Variants in KCNN3 observed in about 807,000 individuals in gnomAD.
KCNN3 encodes potassium calcium-activated channel subfamily N member 3.
In KCNN3, 16 loss-of-function variants were observed where a neutral mutation model predicts 62.9. The ratio of observed to expected loss-of-function variants is 0.25; its 90% CI spans 0.17 to 0.39. KCNN3 has a LOEUF of 0.39. KCNN3 is among the 10% of genes least tolerant of loss of function. The probability of loss-of-function intolerance (pLI) is 1.00; values close to 1 mark genes in which losing one functional copy is unlikely to be tolerated. For missense variants in KCNN3, 599 were observed against 949.4 expected (o/e 0.63, Z 4.85); for synonymous variants, 370 against 389.2 (o/e 0.95, Z 0.58).
intron 1 of KCNN3, among the ~76,000 whole-genome samples, chr1:154,847,947 C>T (rs138181065): frequency 3.9e-5 from 6 of 152,268 alleles, no homozygotes; most frequent in South Asian, 4.1e-4. Flanking sequence ...AGCTCCGACA[C>T]GAACCCGAGA....
At chr1:154,861,975 G>A (rs146038847) in intron 1 of KCNN3, among the ~76,000 whole-genome samples, 30 of 152,244 alleles carry the variant, frequency 2.0e-4, no homozygotes, top group African/African-American at 6.5e-4. Flanking sequence ...GCCTTTTCTC[G>A]GCACTCACTG....
At chr1:154,823,564 T>TC (rs1323934559) in intron 1 of KCNN3, among the ~76,000 whole-genome samples, 2 of 152,198 alleles carry the variant, frequency 1.3e-5, no homozygotes. Flanking sequence ...GGCCTCTGAC[T>TC]CGCAGTACAG....
In KCNN3 at chr1:154,738,820, A is replaced by G. The variant is rs115500533; in HGVS notation, c.1449-5676T>C. Among the ~76,000 whole-genome samples the G allele has an allele frequency of 1.2e-3, 179 of 152,376 alleles. 1 individual carries two copies. Among genetic ancestry groups the G allele is most frequent in the African/African-American group, 4.2e-3 (174 of 41,588 alleles). On this transcript the variant is annotated intron_variant, in intron 3 of 7. Transcript: ENST00000271915. Reference sequence around the variant, plus strand: ...ATCATTAACAACTCCAGGAAAAATGAAAAGTTCTGCAGGAAGGGAAAAGTT... The same window carrying G: ...ATCATTAACAACTCCAGGAAAAATGGAAAGTTCTGCAGGAAGGGAAAAGTT...
At chr1:154,756,690 C>G (rs1647727325) in intron 3 of KCNN3, among the ~76,000 whole-genome samples, 1 of 152,166 alleles carries the variant, frequency 6.6e-6, no homozygotes, top group African/African-American at 2.4e-5. Context: ...TGAGTAGGAT[C>G]CCAATCCAAT....
At chr1:154,753,294 T>C (rs1240341210) in intron 3 of KCNN3, among the ~76,000 whole-genome samples, 2 of 152,028 alleles carry the variant, frequency 1.3e-5, no homozygotes, top group Non-Finnish European at 2.9e-5. Context: ...ACAGACATCA[T>C]GGCATTCAAG....
Position 154,704,731 on chromosome 1 carries a change from G to C in KCNN3, c.*3245C>G, listed in dbSNP as rs1331930621. 1 of 151,990 alleles carries C rather than the reference G, an allele frequency of 6.6e-6. No homozygotes were observed. The highest frequency in any genetic ancestry group is 2.4e-5 in the African/African-American group (1 of 41,362). The allele number at this position is 151,990 out of a possible 1,614,324, so 9.4% of individuals were successfully genotyped here. A position where few individuals can be genotyped will look rare whatever the true frequency, so the allele number is the denominator to read the frequency against. On this transcript the variant is annotated 3_prime_UTR_variant, in exon 8 of 8. Transcript: ENST00000271915. ...GAGTGGGCAGATCTTGATCAGTACA[G>C]TATTGGAGTGAGGTTACATAATTAA...
At chr1:154,824,050 C>CA (rs1362781096) in intron 1 of KCNN3, among the ~76,000 whole-genome samples, 1 of 152,312 alleles carries the variant, frequency 6.6e-6, no homozygotes, top group East Asian at 1.9e-4. Context: ...CACTCTTTCA[C>CA]AAAAATTTCA....
At chr1:154,734,711 T>C (rs1700673112) in intron 3 of KCNN3, among the ~76,000 whole-genome samples, 1 of 152,218 alleles carries the variant, frequency 6.6e-6, no homozygotes, top group Non-Finnish European at 1.5e-5. Flanking sequence ...AAGAGCATGG[T>C]ATGACGGATA....
At position 154,702,832 on chromosome 1, in the gene KCNN3, C is replaced by T. The variant is rs977260584; in HGVS notation, c.*5144G>A. The T allele has an allele frequency of 6.7e-6, 1 of 148,342 alleles. No individual in the cohort carries two copies. The highest frequency in any genetic ancestry group is 2.0e-4 in the East Asian group (1 of 5,032). The allele number at this position is 148,342 out of a possible 1,614,324, so 9.2% of individuals were successfully genotyped here. On this transcript the variant is annotated 3_prime_UTR_variant, in exon 8 of 8. Coordinates refer to ENST00000271915, the MANE Select transcript of KCNN3 (RefSeq NM_002249.6). ...GGAGTTGAATTTTGTGCTTTTCCTC[C>T]ACCAGCTTGGTTGGTCACGATGTGT...
chr1:154,723,466 G>C (rs1293185060), intron 5 of KCNN3, among the ~76,000 whole-genome samples: 1 of 152,196 alleles, frequency 6.6e-6, no homozygotes, highest in Non-Finnish European at 1.5e-5. Flanking sequence ...GAATTGAGGA[G>C]GATGTTAGGG....
At chr1:154,726,099 G>A (rs376139489) in intron 4 of KCNN3, 73 bp from the exon 5 acceptor site, 17 of 1,143,346 alleles carry the variant, frequency 1.5e-5, no homozygotes, top group East Asian at 4.9e-5. Flanking sequence ...GACTCAACAC[G>A]CCTGGCGGCC....
At chr1:154,711,521 A>T (rs189208901) in intron 7 of KCNN3, among the ~76,000 whole-genome samples, 2 of 149,654 alleles carry the variant, frequency 1.3e-5, no homozygotes, top group East Asian at 3.9e-4. Context: ...AAAAAAAAAG[A>T]AAGTTTGGTT....
At chr1:154,797,219 C>T (rs1649771614) in intron 2 of KCNN3, among the ~76,000 whole-genome samples, 1 of 152,146 alleles carries the variant, frequency 6.6e-6, no homozygotes, top group South Asian at 2.1e-4. Flanking sequence ...TAATGGTTAC[C>T]ATATTACCTG....
intron 5 of KCNN3, among the ~76,000 whole-genome samples, chr1:154,724,854 T>C (rs1171370019): frequency 1.3e-5 from 2 of 150,510 alleles, no homozygotes; most frequent in African/African-American, 4.9e-5. Context: ...TCTACTAGAA[T>C]GATTCTTTTT....
chr1:154,845,507 C>T (rs1267095248), intron 1 of KCNN3, among the ~76,000 whole-genome samples: 2 of 152,206 alleles, frequency 1.3e-5, no homozygotes, highest in South Asian at 2.1e-4. Context: ...CTGCTTTTCT[C>T]ACTGCGGGGG....
intron 2 of KCNN3, among the ~76,000 whole-genome samples, chr1:154,790,304 A>T (rs1274514436): frequency 6.6e-6 from 1 of 151,918 alleles, no homozygotes; most frequent in Non-Finnish European, 1.5e-5. Context: ...CATTACAGAT[A>T]CTCCTTAACT....
chr1:154,800,793 C>T (rs372823578), intron 2 of KCNN3, among the ~76,000 whole-genome samples: 8 of 152,136 alleles, frequency 5.3e-5, no homozygotes, highest in African/African-American at 1.9e-4. Flanking sequence ...GCCTGTAATC[C>T]CAGCACTTTG....
chr1:154,766,800 C>T (rs1354814224), intron 3 of KCNN3, among the ~76,000 whole-genome samples: 2 of 150,312 alleles, frequency 1.3e-5, no homozygotes, highest in Non-Finnish European at 3.0e-5. Flanking sequence ...CTGTCCCAGC[C>T]TCCCGAGTAG....
At chr1:154,764,138 T>C (rs1364927759) in intron 3 of KCNN3, among the ~76,000 whole-genome samples, 2 of 152,246 alleles carry the variant, frequency 1.3e-5, no homozygotes, top group Non-Finnish European at 2.9e-5. Flanking sequence ...TGCTTTTAAA[T>C]CTCATCTAAG....
Sources: gnomAD v4.1 joint callset for allele counts (sites outside exome capture counted in the v4.1 genomes callset) on GRCh38, gnomAD v4.1.1 for gene constraint, MANE v1.5 for transcripts, NCBI Gene and HGNC (gene_info 2026-07-23, HGNC 2026-07-21) for gene names.